The following TENM1 variants were observed in gnomAD, a reference collection of about 807,000 sequenced individuals.
TENM1 encodes the protein teneurin-1.
A neutral mutation model predicts 174.8 loss-of-function variants in TENM1; 35 were observed. The ratio of observed to expected loss-of-function variants is 0.20; its 90% CI spans 0.15 to 0.27. The LOEUF is 0.27. Among genes scored for constraint, TENM1 ranks in the 10% least tolerant of loss-of-function variants. The probability of loss-of-function intolerance (pLI) is 1.00; values close to 1 mark genes in which losing one functional copy is unlikely to be tolerated. For synonymous variants in TENM1, 781 were observed against 798.7 expected (o/e 0.98, Z 0.37); for missense variants, 1,633 against 2,130.1 (o/e 0.77, Z 4.59).
chrX:124,453,367 C>T (rs760054692), exon 23 of TENM1: 2 of 1,209,778 alleles, frequency 1.7e-6, no homozygotes, highest in Non-Finnish European at 2.2e-6. Flanking sequence ...AGTCACAGCT[C>T]AGTGGTTGTG....
At chrX:124,711,628 C>G (rs1468280994) in intron 4 of TENM1, among the ~76,000 whole-genome samples, 1 of 111,196 alleles carries the variant, frequency 9.0e-6, no homozygotes, top group Non-Finnish European at 1.9e-5. Context: ...TTAATAGGAC[C>G]AAACCATATT....
chrX:124,454,000 T>C (rs2061074305), intron 22 of TENM1, among the ~76,000 whole-genome samples: 1 of 111,691 alleles, frequency 9.0e-6, no homozygotes, highest in Non-Finnish European at 1.9e-5. Flanking sequence ...TTTCTCCATA[T>C]TATCTATTAA....
chrX:124,737,580 T>C (rs937607884), intron 3 of TENM1, among the ~76,000 whole-genome samples: 3 of 111,853 alleles, frequency 2.7e-5, no homozygotes, highest in Non-Finnish European at 5.6e-5. Flanking sequence ...CAGAAAATGC[T>C]AGTAAAAGGC....
At chrX:125,160,681 A>G in the TENM1 span, among the ~76,000 whole-genome samples, 1 of 109,930 alleles carries the variant, frequency 9.1e-6, no homozygotes, top group African/African-American at 3.3e-5. Context: ...AGATTTGTTC[A>G]GATATCCTCG....
At chrX:124,841,268 A>T (rs2056493024) in intron 3 of TENM1, among the ~76,000 whole-genome samples, 1 of 111,836 alleles carries the variant, frequency 8.9e-6, no homozygotes, top group Admixed American at 9.5e-5. Context: ...TTAGATAAAC[A>T]CATCATCTTT....
At chrX:124,399,901 G>C (rs2060381229) in intron 27 of TENM1, among the ~76,000 whole-genome samples, 1 of 111,620 alleles carries the variant, frequency 9.0e-6, no homozygotes, top group Admixed American at 9.5e-5. Context: ...GAGCCCGGGA[G>C]TTAGAGGCTG....
At chrX:124,572,196 C>G (rs1190716637) in intron 11 of TENM1, among the ~76,000 whole-genome samples, 2 of 111,574 alleles carry the variant, frequency 1.8e-5, no homozygotes, top group Non-Finnish European at 3.8e-5. Flanking sequence ...TACACACACA[C>G]ATGCGTACAC....
At chrX:124,657,448 G>GA (rs927225355) in intron 6 of TENM1, among the ~76,000 whole-genome samples, 16 of 108,222 alleles carry the variant, frequency 1.5e-4, no homozygotes, top group African/African-American at 3.0e-4. Flanking sequence ...CTTGGAAGGT[G>GA]AAAAAAAAAG....
At chrX:124,385,601 T>A in intron 29 of TENM1, 76 bp downstream of exon 32, 1 of 995,669 alleles carries the variant, frequency 1.0e-6, no homozygotes, top group Non-Finnish European at 1.4e-6. Context: ...TGCTTCTATC[T>A]CACACTGTGG....
At chrX:125,076,054 T>G in the TENM1 span, among the ~76,000 whole-genome samples, 225 of 112,097 alleles carry the variant, frequency 2.0e-3, no homozygotes, top group African/African-American at 6.7e-3. Flanking sequence ...AAGTAAGATT[T>G]CTATATGTTT....
the TENM1 span, among the ~76,000 whole-genome samples, chrX:125,104,537 A>T: frequency 1.8e-5 from 2 of 111,566 alleles, no homozygotes; most frequent in African/African-American, 6.5e-5. Context: ...GTATAACTGG[A>T]ATCTACTCTT....
At chrX:125,043,789 A>G in the TENM1 span, among the ~76,000 whole-genome samples, 1 of 516 alleles carries the variant, frequency 1.9e-3, no homozygotes, top group African/African-American at 9.2e-3. Context: ...GATAGACTGG[A>G]TTAAGAAAAT....
At position 124,587,433 on chromosome X, in the gene TENM1, TG is replaced by T. The variant is rs1720137962; in HGVS notation, c.2078-21874del. Among the ~76,000 whole-genome samples the T allele has an allele frequency of 2.8e-5, 3 of 108,817 alleles. No individual in the cohort carries two copies. The South Asian group carries it at 1.2e-3, about 44-fold the overall frequency. The allele number at this position is 108,817 out of a possible 115,157, so 94.5% of individuals were successfully genotyped here. Reference sequence around the variant, plus strand: ...TGACAAACCTGAGAAAAACAAGCAATGGGGAAAGGATTCCCTATTTAATAAA... The same window carrying T: ...TGACAAACCTGAGAAAAACAAGCAATGGGAAAGGATTCCCTATTTAATAAA... On this transcript the variant is annotated intron_variant, in intron 11 of 31. Transcript: ENST00000422452.
At chrX:124,696,666 A>G (rs5956679) in intron 5 of TENM1, among the ~76,000 whole-genome samples, 2,390 of 111,179 alleles carry the variant, frequency 0.021, 30 homozygotes, top group African/African-American at 0.041. Flanking sequence ...TTTATTAGTT[A>G]ATTCTGCAAA....
chrX:124,514,795 C>G (rs1384278027), intron 18 of TENM1, among the ~76,000 whole-genome samples: 1 of 111,091 alleles, frequency 9.0e-6, no homozygotes, highest in African/African-American at 3.3e-5. Flanking sequence ...TGGTACCATT[C>G]CCACCAGAAT....
chrX:124,550,090 A>C (rs1261721204), intron 14 of TENM1, among the ~76,000 whole-genome samples: 1 of 111,493 alleles, frequency 9.0e-6, no homozygotes, highest in African/African-American at 3.3e-5. Context: ...ACTGACTTGA[A>C]GGACTATCTA....
intron 3 of TENM1, among the ~76,000 whole-genome samples, chrX:124,891,409 C>T (rs767832335): frequency 9.0e-6 from 1 of 110,965 alleles, no homozygotes; most frequent in Non-Finnish European, 1.9e-5. Context: ...TGTTGTAACC[C>T]CAGCACTTTG....
chrX:125,001,973 A>AC, the TENM1 span, among the ~76,000 whole-genome samples: 5 of 97,844 alleles, frequency 5.1e-5, no homozygotes, highest in African/African-American at 1.9e-4. Context: ...ACACACACAC[A>AC]AGATCAAGTC....
intron 3 of TENM1, among the ~76,000 whole-genome samples, chrX:124,788,136 T>C (rs1046463497): frequency 2.7e-5 from 3 of 111,560 alleles, no homozygotes; most frequent in African/African-American, 9.8e-5. Flanking sequence ...CCCCAGGTCC[T>C]TCCCACAACA....
Sources: gnomAD v4.1 joint callset for allele counts (sites outside exome capture counted in the v4.1 genomes callset) on GRCh38, gnomAD v4.1.1 for gene constraint, MANE v1.5 for transcripts, NCBI Gene and HGNC (gene_info 2026-07-23, HGNC 2026-07-21) for gene names.